The following MAP3K3 variants were observed in gnomAD, a reference collection of about 807,000 sequenced individuals.
MAP3K3 encodes mitogen-activated protein kinase kinase kinase 3, also known as MAP/ERK kinase kinase 3.
In MAP3K3, 12 loss-of-function variants were observed where a neutral mutation model predicts 80.9. The observed-to-expected ratio is 0.15, with a 90% CI of 0.10 to 0.24. The LOEUF (loss-of-function observed/expected upper bound fraction) is 0.24. Ranked by LOEUF, MAP3K3 falls within the 10% of genes least tolerant of loss-of-function variation. MAP3K3 has a pLI of 1.00. For missense variants in MAP3K3, 596 were observed against 834.7 expected, an observed-to-expected ratio of 0.71 and a Z score of 3.52; for synonymous variants, 272 against 307.1, an observed-to-expected ratio of 0.89 and a Z score of 1.19.
At chr17:63,666,148 G>C (rs1287884780) in intron 5 of MAP3K3, among the ~76,000 whole-genome samples, 1 of 152,146 alleles carries the variant, frequency 6.6e-6, no homozygotes, top group African/African-American at 2.4e-5. Context: ...AGTGGAAAGA[G>C]TGGGTGGGTG....
chr17:63,657,096 A>G (rs914783479), intron 4 of MAP3K3, among the ~76,000 whole-genome samples: 2 of 151,978 alleles, frequency 1.3e-5, no homozygotes, highest in Non-Finnish European at 2.9e-5. Context: ...TTGTATAACA[A>G]TTTTCATCCT....
intron 1 of MAP3K3, among the ~76,000 whole-genome samples, chr17:63,623,270 C>G (rs1598052429): frequency 6.6e-6 from 1 of 152,218 alleles, no homozygotes; most frequent in East Asian, 1.9e-4. Context: ...CAGCCCTGTG[C>G]GCGCCCCAGC....
At chr17:63,666,766 G>A (rs2035007103) in intron 5 of MAP3K3, among the ~76,000 whole-genome samples, 174 bp from the exon 6 acceptor site, 1 of 152,226 alleles carries the variant, frequency 6.6e-6, no homozygotes, top group African/African-American at 2.4e-5. Flanking sequence ...TGAGCGAATA[G>A]TGGTTTGCTG....
At position 63,640,379 on chromosome 17, in the gene MAP3K3, G is replaced by A. The variant is rs766884490; in HGVS notation, c.127-5655G>A. Among the ~76,000 whole-genome samples, 43 of 152,176 alleles carry A rather than the reference G, an allele frequency of 2.8e-4. 1 individual carries two copies. The highest frequency in any genetic ancestry group is 4.7e-4 in the Non-Finnish European group (32 of 68,030). On this transcript the variant is annotated intron_variant, in intron 2 of 15. Transcript: ENST00000361733. Reference sequence around the variant, plus strand: ...TGGCTAGATTGAGTTTGAGATTACAGTGGGAAAAAACCTCAAGAGTGTGTG... The same window carrying A: ...TGGCTAGATTGAGTTTGAGATTACAATGGGAAAAAACCTCAAGAGTGTGTG...
At position 63,660,670 on chromosome 17, in the gene MAP3K3, G is replaced by A. The variant is rs995641572; in HGVS notation, c.381+2763G>A. 3.3e-5 allele frequency among the ~76,000 whole-genome samples: 5 copies of A among 151,652 alleles called. No homozygotes were observed. In the East Asian group the frequency reaches 5.8e-4, roughly 18 times the overall value. On this transcript the variant is annotated intron_variant, in intron 5 of 15. Coordinates refer to ENST00000361733, the MANE Select transcript of MAP3K3 (RefSeq NM_002401.5). ...TGCAGGGGTGTGATCTTGGCTCACC[G>A]CAACCTCTGGCTTCCAGGTTCAAGT...
At chr17:63,646,361 C>T (rs2034541586) in intron 3 of MAP3K3, among the ~76,000 whole-genome samples, 1 of 152,164 alleles carries the variant, frequency 6.6e-6, no homozygotes, top group Non-Finnish European at 1.5e-5. Context: ...AGGACTCTGG[C>T]CCTACTCAGA....
intron 4 of MAP3K3, among the ~76,000 whole-genome samples, chr17:63,656,098 C>T (rs1022211005): frequency 6.6e-6 from 1 of 151,824 alleles, no homozygotes; most frequent in South Asian, 2.1e-4. Flanking sequence ...GGTGTGGTGC[C>T]TCATGCCTGT....
chr17:63,643,660 A>G (rs988665056), intron 2 of MAP3K3, among the ~76,000 whole-genome samples: 5 of 152,232 alleles, frequency 3.3e-5, no homozygotes, highest in East Asian at 1.9e-4. Context: ...ACAGCAAGGT[A>G]TGCTGGGCTG....
At chr17:63,628,335 T>C (rs1235545336) in intron 1 of MAP3K3, among the ~76,000 whole-genome samples, 1 of 152,098 alleles carries the variant, frequency 6.6e-6, no homozygotes, top group Admixed American at 6.5e-5. Context: ...ATTTATATAC[T>C]CTGGTTTATA....
At chr17:63,640,624 A>G (rs1444216985) in intron 2 of MAP3K3, among the ~76,000 whole-genome samples, 4 of 152,198 alleles carry the variant, frequency 2.6e-5, no homozygotes, top group African/African-American at 9.7e-5. Context: ...GTGAATATTC[A>G]TACTTTTCAT....
intron 6 of MAP3K3, among the ~76,000 whole-genome samples, chr17:63,675,595 C>A (rs2035202741): frequency 6.6e-6 from 1 of 152,248 alleles, no homozygotes; most frequent in African/African-American, 2.4e-5. Context: ...AGAGAGCTAG[C>A]ACGCACTGGG....
chr17:63,687,235 G>T (rs1338764043), intron 8 of MAP3K3, among the ~76,000 whole-genome samples: 1 of 151,272 alleles, frequency 6.6e-6, no homozygotes, highest in Admixed American at 6.6e-5. Context: ...GCCAGGCGCG[G>T]TGGCTCCTGC....
chr17:63,680,914 T>C (rs2035318871), intron 6 of MAP3K3, among the ~76,000 whole-genome samples: 1 of 151,818 alleles, frequency 6.6e-6, no homozygotes, highest in African/African-American at 2.4e-5. Context: ...AAGTAACAAA[T>C]GTAAAAATAC....
At chr17:63,640,832 A>G (rs564719581) in intron 2 of MAP3K3, among the ~76,000 whole-genome samples, 1 of 152,282 alleles carries the variant, frequency 6.6e-6, no homozygotes, top group Admixed American at 6.5e-5. Context: ...ATAGAACTTG[A>G]TTCTGTTCCT....
intron 2 of MAP3K3, among the ~76,000 whole-genome samples, chr17:63,645,113 C>G (rs1379162870): frequency 6.6e-6 from 1 of 152,148 alleles, no homozygotes; most frequent in Non-Finnish European, 1.5e-5. Context: ...TTCATTCAAC[C>G]ACTTAACAAA....
At chr17:63,670,115 A>AG (rs1227816044) in intron 6 of MAP3K3, among the ~76,000 whole-genome samples, 2 of 151,982 alleles carry the variant, frequency 1.3e-5, no homozygotes, top group Non-Finnish European at 2.9e-5. Context: ...AAAAAAAAAA[A>AG]GTAATTACCA....
chr17:63,685,526 C>G lies in MAP3K3; in HGVS notation c.646C>G (p.Pro216Ala), dbSNP rs2035430134. The part of the protein sequence containing the change: ...PETSEQCMLD[P>A]LSSAENSLSG... ...TTGACTTGCCTTACAGATGCTGGAT[C>G]CCCTGAGCAGTGCAGAAAATTCCTT... Residue 216 changes from proline (P) to alanine (A), a missense_variant, in exon 8 of 16, where the codon CCC becomes GCC. Pro to Ala is a conservative substitution (Grantham distance 27). Transcript: ENST00000361733. 1 of 1,613,800 alleles carries G rather than the reference C, an allele frequency of 6.2e-7. No individual in the cohort carries two copies. Among genetic ancestry groups the G allele is most frequent in the African/African-American group, 1.3e-5 (1 of 74,904 alleles).
At chr17:63,685,221 C>T (rs543710364) in intron 7 of MAP3K3, among the ~76,000 whole-genome samples, 1 of 152,312 alleles carries the variant, frequency 6.6e-6, no homozygotes, top group East Asian at 1.9e-4. Context: ...CAGCGCCAGG[C>T]TCCAGTGTTA....
At chr17:63,630,687 A>G (rs1829127080) in intron 1 of MAP3K3, among the ~76,000 whole-genome samples, 1 of 152,092 alleles carries the variant, frequency 6.6e-6, no homozygotes, top group South Asian at 2.1e-4. Flanking sequence ...AATTGATGGG[A>G]TATATATGTG....
Sources: allele counts gnomAD v4.1 joint callset (sites outside exome capture counted in the v4.1 genomes callset), GRCh38; gene constraint gnomAD v4.1.1; transcripts MANE v1.5; gene names NCBI Gene and HGNC (gene_info 2026-07-23, HGNC 2026-07-21).